The following FIGNL2 variants were observed in gnomAD, a reference collection of about 807,000 sequenced individuals.
The protein encoded by FIGNL2 is fidgetin like 2, also known as fidgetin-like protein 2.
For synonymous variants in FIGNL2, 565 were observed against 484.0 expected, an observed-to-expected ratio of 1.17 and a Z score of -2.20; for missense variants, 1,060 against 950.2, an observed-to-expected ratio of 1.12 and a Z score of -1.52.
intron 1 of FIGNL2, among the ~76,000 whole-genome samples, chr12:51,834,113 A>ATGGT (rs1565946393): frequency 2.7e-5 from 4 of 146,424 alleles, no homozygotes; most frequent in Non-Finnish European, 4.4e-5. Context: ...GGATGGTTGG[A>ATGGT]TGGATGGATG....
intron 1 of FIGNL2, among the ~76,000 whole-genome samples, chr12:51,828,623 G>A (rs1187960909): frequency 2.6e-5 from 4 of 152,146 alleles, no homozygotes; most frequent in East Asian, 1.9e-4. Flanking sequence ...TATCTCCCCC[G>A]TGGTCCTGCT....
rs186231 is a variant in FIGNL2 at position 51,818,705 on chromosome 12, A to G, written c.*1747T>C. 130,598 of 152,166 alleles carry G rather than the reference A, an allele frequency of 0.86. 56,258 individuals are homozygous for G. Among genetic ancestry groups the G allele is most frequent in the East Asian group, 0.98 (5,017 of 5,132 alleles). 9.4% of individuals were successfully genotyped at this position (152,166 alleles called of 1,614,324 possible). ...GCAAGGAACTGCACAGGAGGCTGAGATGGGAGAGAGAAAAAGTGGTGGTGG... is the reference window on the plus strand; with the variant it reads ...GCAAGGAACTGCACAGGAGGCTGAGGTGGGAGAGAGAAAAAGTGGTGGTGG... On this transcript the variant is annotated 3_prime_UTR_variant, in exon 2 of 2. Transcript: ENST00000618634.
intron 1 of FIGNL2, chr12:51,841,410 C>G (rs935970676): frequency 6.6e-6 from 1 of 152,264 alleles, no homozygotes; most frequent in African/African-American, 2.4e-5. Context: ...AACTGAGGCT[C>G]GATTAACTTG....
At chr12:51,833,478 T>C (rs1435744418) in intron 1 of FIGNL2, among the ~76,000 whole-genome samples, 1 of 152,176 alleles carries the variant, frequency 6.6e-6, no homozygotes, top group Non-Finnish European at 1.5e-5. Context: ...GGCTCCCATC[T>C]CACTCAGAAT....
chr12:51,819,426 A>T lies in FIGNL2; in HGVS notation c.*1026T>A, dbSNP rs1939119457. 6.6e-6 allele frequency: 1 copy of T among 152,626 alleles called. No individual in the cohort carries two copies. Among genetic ancestry groups the T allele is most frequent in the African/African-American group, 2.4e-5 (1 of 41,436 alleles). 9.5% of individuals were successfully genotyped at this position (152,626 alleles called of 1,614,324 possible). On this transcript the variant is annotated 3_prime_UTR_variant, in exon 2 of 2. Coordinates refer to ENST00000618634, the MANE Select transcript of FIGNL2 (RefSeq NM_001384995.1). ...CTGGGGAGGAAGCCCTTAGGAATACATTCTGCTTCTGACCAGGAATAGCTG... is the reference window on the plus strand; with the variant it reads ...CTGGGGAGGAAGCCCTTAGGAATACTTTCTGCTTCTGACCAGGAATAGCTG...
chr12:51,836,891 C>T (rs970777771), intron 1 of FIGNL2, among the ~76,000 whole-genome samples: 1 of 152,136 alleles, frequency 6.6e-6, no homozygotes, highest in Non-Finnish European at 1.5e-5. Context: ...CACAGGCGCA[C>T]ATGCCGGTGG....
intron 1 of FIGNL2, among the ~76,000 whole-genome samples, chr12:51,844,425 C>T (rs1156955023): frequency 6.6e-6 from 1 of 152,200 alleles, no homozygotes; most frequent in African/African-American, 2.4e-5. Flanking sequence ...AGGGGGTTCG[C>T]ACTGCAGTCC....
chr12:51,831,605 C>T (rs1592191073), intron 1 of FIGNL2, among the ~76,000 whole-genome samples: 1 of 152,192 alleles, frequency 6.6e-6, no homozygotes, highest in Admixed American at 6.5e-5. Flanking sequence ...AAATGCTTTC[C>T]TTCCCTGTCC....
chr12:51,823,013 G>T (rs1365573939), intron 1 of FIGNL2, among the ~76,000 whole-genome samples: 1 of 152,218 alleles, frequency 6.6e-6, no homozygotes, highest in Non-Finnish European at 1.5e-5. Flanking sequence ...GTGTGGGCCT[G>T]AGGTCAGAGA....
At chr12:51,845,856 GTT>G (rs769936775) in intron 1 of FIGNL2, among the ~76,000 whole-genome samples, 9 of 144,012 alleles carry the variant, frequency 6.2e-5, no homozygotes, top group Admixed American at 7.0e-5. Context: ...TGGCCTCTCT[GTT>G]TAACAGAATG....
rs1939185890 is a variant in FIGNL2 at position 51,821,366 on chromosome 12, C to G, written c.1048G>C (p.Glu350Gln). The G allele has an allele frequency of 6.6e-7, 1 of 1,505,078 alleles. No homozygotes were observed. Among genetic ancestry groups the G allele is most frequent in the Non-Finnish European group, 8.8e-7 (1 of 1,129,984 alleles). The allele number at this position is 1,505,078 out of a possible 1,614,324, so 93.2% of individuals were successfully genotyped here. ...CCCCCACGAGGAGCCGGGGCCCGCT[C>G]CGGGAACTTTTCAAAGGGCTCCAGT... Reference protein sequence around the residue: ...PQLEPFEKFPERAPAPRGGFA... With the variant: ...PQLEPFEKFPQRAPAPRGGFA... The change falls in exon 2 of 2, where the codon GAG (glutamate) becomes CAG (glutamine). Residue 350 changes from glutamate (E) to glutamine (Q), a missense_variant. Glu to Gln is a conservative substitution (Grantham distance 29). Transcript: ENST00000618634.
intron 1 of FIGNL2, among the ~76,000 whole-genome samples, chr12:51,843,745 G>C (rs139338166): frequency 5.9e-5 from 9 of 152,090 alleles, no homozygotes; most frequent in African/African-American, 2.2e-4. Flanking sequence ...CCCACCCCCT[G>C]TCTGCCCTGA....
At chr12:51,847,636 C>G (rs1427877450) in intron 1 of FIGNL2, 2 of 985,320 alleles carry the variant, frequency 2.0e-6, no homozygotes, top group Non-Finnish European at 1.2e-6. Flanking sequence ...CTCTCTGCCC[C>G]GCGCAGACCC....
rs760274990 is a variant in FIGNL2 at position 51,821,055 on chromosome 12, C to T, written c.1359G>A (p.Leu453=). ...CCAGGGTCGCGCCGCGCAGGCGCAA[C>T]AGCGTGGCGCCCAGCTGCGTGGCGA... is the stretch of plus-strand genomic sequence containing the variant. The part of the protein sequence containing the change: ...RCLATQLGAT[L]LRLRGATLAA... The change falls in exon 2 of 2, where the codon CTG becomes CTA. Residue 453 remains leucine (L), a synonymous_variant. Coordinates refer to ENST00000618634, the MANE Select transcript of FIGNL2 (RefSeq NM_001384995.1). 1.6e-6 allele frequency: 2 copies of T among 1,225,288 alleles called. No individual in the cohort carries two copies. The highest frequency in any genetic ancestry group is 3.5e-5 in the South Asian group (1 of 28,182). The allele number at this position is 1,225,288 out of a possible 1,614,324, so 75.9% of individuals were successfully genotyped here.
In FIGNL2 at chr12:51,821,710, AGGCCCGGGGTCAGGTAGG is replaced by A. The variant is rs1181323139; in HGVS notation, c.686_703del (p.Pro229_Gly234del). 3 of 1,256,130 alleles carry A rather than the reference AGGCCCGGGGTCAGGTAGG, an allele frequency of 2.4e-6. No homozygotes were observed. Among genetic ancestry groups the A allele is most frequent in the African/African-American group, 3.3e-5 (2 of 60,974 alleles). The allele number at this position is 1,256,130 out of a possible 1,614,324, so 77.8% of individuals were successfully genotyped here. Reference sequence around the variant, plus strand: ...CGCGGGCAGGGGCGTGGGCGCGGGCAGGCCCGGGGTCAGGTAGGGGGCCGGGGGTGGGCCTGGGGGCGG... The same window carrying A: ...CGCGGGCAGGGGCGTGGGCGCGGGCAGGGCCGGGGGTGGGCCTGGGGGCGG... On this transcript the variant is annotated inframe_deletion, in exon 2 of 2. Coordinates refer to ENST00000618634, the MANE Select transcript of FIGNL2 (RefSeq NM_001384995.1).
chr12:51,820,604 G>T lies in FIGNL2; in HGVS notation c.1810C>A (p.Gln604Lys). The part of the protein sequence containing the change: ...SGGELGQLCQ[Q>K]AAAGAGLPGL... Reference sequence around the variant, plus strand: ...GGGAGGCCCGCCCCGGCCGCCGCCTGCTGGCACAGCTGCCCCAGCTCGCCC... The same window carrying T: ...GGGAGGCCCGCCCCGGCCGCCGCCTTCTGGCACAGCTGCCCCAGCTCGCCC... The change falls in exon 2 of 2, where the codon CAG (glutamine) becomes AAG (lysine). Residue 604 changes from glutamine (Q) to lysine (K), a missense_variant. Physicochemically the swap from Gln to Lys is moderately conservative, Grantham distance 53 (BLOSUM62 1). Transcript: ENST00000618634. 1 of 1,525,236 alleles carries T rather than the reference G, an allele frequency of 6.6e-7. No individual in the cohort carries two copies. Among genetic ancestry groups the T allele is most frequent in the Admixed American group, 2.0e-5 (1 of 49,598 alleles). The allele number at this position is 1,525,236 out of a possible 1,614,324, so 94.5% of individuals were successfully genotyped here.
At chr12:51,841,436 T>A (rs1471924890) in intron 1 of FIGNL2, 1 of 152,228 alleles carries the variant, frequency 6.6e-6, no homozygotes, top group African/African-American at 2.4e-5. Flanking sequence ...GTCACCAAGC[T>A]GGGACAGATG....
chr12:51,820,200 G>A lies in FIGNL2; in HGVS notation c.*252C>T. 6.0e-6 allele frequency: 3 copies of A among 501,332 alleles called. No homozygotes were observed. The highest frequency in any genetic ancestry group is 2.2e-5 in the South Asian group (1 of 44,686). 31.1% of individuals were successfully genotyped at this position (501,332 alleles called of 1,614,324 possible). ...CCATGCCGGATCTGCCCGGTCTGCC[G>A]GGCGGAGATGGCGAGCTTCCAGTCC... On this transcript the variant is annotated 3_prime_UTR_variant, in exon 2 of 2. Transcript: ENST00000618634.
chr12:51,821,560 G>A lies in FIGNL2; in HGVS notation c.854C>T (p.Pro285Leu). The A allele has an allele frequency of 6.5e-7, 1 of 1,545,628 alleles. No homozygotes were observed. Among genetic ancestry groups the A allele is most frequent in the Non-Finnish European group, 8.7e-7 (1 of 1,154,350 alleles). ...EGRYRKYAYEPAKAPVADGAS... is the reference protein window; with the variant it reads ...EGRYRKYAYELAKAPVADGAS... ...TCCGTCAGCCACGGGGGCCTTGGCG[G>A]GCTCGTACGCGTACTTGCGGTAGCG... Residue 285 changes from proline to leucine, a missense_variant, in exon 2 of 2, where the codon CCC becomes CTC. Pro to Leu is a moderately conservative substitution (Grantham distance 98). Transcript: ENST00000618634.
Sources: allele counts gnomAD v4.1 joint callset (sites outside exome capture counted in the v4.1 genomes callset), GRCh38; gene constraint gnomAD v4.1.1; transcripts MANE v1.5; gene names NCBI Gene and HGNC (gene_info 2026-07-23, HGNC 2026-07-21).